SLC47A1: variants seen among roughly 807,000 people sequenced by gnomAD.
The protein encoded by SLC47A1 is solute carrier family 47 member 1.
Under a neutral mutation model 65.8 loss-of-function variants are expected in SLC47A1, and 58 were observed. The ratio of observed to expected loss-of-function variants is 0.88; its 90% CI spans 0.71 to 1.10. The LOEUF is 1.10. Ranked by LOEUF, SLC47A1 falls within the 50% of genes least tolerant of loss-of-function variation. The pLI is 0.00. For missense variants in SLC47A1, 706 were observed against 719.2 expected (o/e 0.98, Z 0.21); for synonymous variants, 285 against 295.0 (o/e 0.97, Z 0.35).
At chr17:19,539,804 C>T (rs780896336) in intron 1 of SLC47A1, among the ~76,000 whole-genome samples, 23 of 152,070 alleles carry the variant, frequency 1.5e-4, no homozygotes, top group Non-Finnish European at 2.9e-4. Context: ...CTGGGTCTTG[C>T]GATGGGCCAG....
chr17:19,572,677 G>T, intron 15 of SLC47A1, 103 bp from the exon 16 acceptor site: 1 of 1,011,982 alleles, frequency 9.9e-7, no homozygotes, highest in South Asian at 1.3e-5. Context: ...AGCTATACAT[G>T]CCAATTAAGG....
intron 6 of SLC47A1, 21 bp downstream of exon 6, chr17:19,551,489 C>T (rs1183146624): frequency 1.2e-6 from 2 of 1,604,598 alleles, no homozygotes; most frequent in Admixed American, 1.7e-5. Context: ...CTGTTCTCTT[C>T]CTTTGGGAGG....
intron 4 of SLC47A1, 32 bp downstream of exon 4, chr17:19,548,165 C>T (rs776797319): frequency 2.0e-5 from 32 of 1,593,850 alleles, no homozygotes; most frequent in Admixed American, 3.4e-5. Flanking sequence ...CGGGACTTGG[C>T]GTCCATCCCA....
chr17:19,558,144 C>G (rs900745609), intron 10 of SLC47A1, among the ~76,000 whole-genome samples: 1 of 152,166 alleles, frequency 6.6e-6, no homozygotes, highest in Non-Finnish European at 1.5e-5. Flanking sequence ...ACCAATTGTT[C>G]TGGTAATGTC....
intron 12 of SLC47A1, 151 bp downstream of exon 12, chr17:19,560,644 C>G: frequency 1.3e-6 from 1 of 772,818 alleles, no homozygotes; most frequent in Non-Finnish European, 2.2e-6. Flanking sequence ...CCTGTAATCC[C>G]AGCACTTTGG....
rs773371787 is a variant in SLC47A1, at chr17:19,560,454, G to C, written c.1067G>C (p.Ser356Thr). 1 of 1,614,178 alleles carries C rather than the reference G, an allele frequency of 6.2e-7. No homozygotes were observed. Among genetic ancestry groups the C allele is most frequent in the African/African-American group, 1.3e-5 (1 of 75,036 alleles). Residue 356 changes from serine (S) to threonine (T), a missense_variant, in exon 12 of 17, where the codon AGC (serine) becomes ACC (threonine). Transcript: ENST00000270570. ...GTAGCCTTCAGTGTCCTGCTGTTAA[G>C]CTGTAAGGATCACGTGGGGTACATT... Reference protein sequence around the residue: ...FAVAFSVLLLSCKDHVGYIFT... With the variant: ...FAVAFSVLLLTCKDHVGYIFT...
intron 2 of SLC47A1, 75 bp downstream of exon 2, chr17:19,542,569 AAAATGTAGTGGCTG>A (rs1414435540): frequency 8.3e-7 from 1 of 1,206,544 alleles, no homozygotes; most frequent in Non-Finnish European, 1.2e-6. Flanking sequence ...ACAAATCATC[AAAATGTAGTGGCTG>A]AAACCTACAC....
chr17:19,548,065 C>G lies in SLC47A1; in HGVS notation c.387C>G (p.Pro129=). The G allele has an allele frequency of 6.2e-7, 1 of 1,614,140 alleles. No individual in the cohort carries two copies. Among genetic ancestry groups the G allele is most frequent in the Non-Finnish European group, 8.5e-7 (1 of 1,180,024 alleles). ...TCGTCCTGCTCCTCTGCTGCTTCCC[C>G]TGCTGGGCGCTCTTTCTCAACACCC... ...SALVLLLCCF[P]CWALFLNTQH... is the part of the protein sequence containing the mutation. The change falls in exon 4 of 17, where the codon CCC becomes CCG. Residue 129 remains proline, a synonymous_variant. Transcript: ENST00000270570.
At position 19,547,985 on chromosome 17, in the gene SLC47A1, A is replaced by G; in HGVS notation, c.307A>G (p.Thr103Ala). ...CTCATTTTGGCTGTGTGCACCCCAGACGTACGGGAGCCAGAACCTGAAGCA... is the reference window on the plus strand; with the variant it reads ...CTCATTTTGGCTGTGTGCACCCCAGGCGTACGGGAGCCAGAACCTGAAGCA... ...SSACDTLISQ[T>A]YGSQNLKHVG... The change falls in exon 4 of 17, where the codon ACG (threonine) becomes GCG (alanine). Residue 103 changes from threonine (T) to alanine (A), a missense_variant and splice_region_variant. By Grantham distance (58) the Thr-to-Ala change is moderately conservative. Coordinates refer to ENST00000270570, the MANE Select transcript of SLC47A1 (RefSeq NM_018242.3). 6.2e-7 allele frequency: 1 copy of G among 1,611,352 alleles called. No individual in the cohort carries two copies. The highest frequency in any genetic ancestry group is 8.5e-7 in the Non-Finnish European group (1 of 1,178,066).
At chr17:19,552,358 C>G (rs546487996) in intron 6 of SLC47A1, among the ~76,000 whole-genome samples, 51 of 152,308 alleles carry the variant, frequency 3.3e-4, no homozygotes, top group Middle Eastern at 3.4e-3. Flanking sequence ...ATTACTCTAT[C>G]AACAAAACAA....
At chr17:19,545,672 T>C (rs574454282) in intron 2 of SLC47A1, among the ~76,000 whole-genome samples, 2 of 151,798 alleles carry the variant, frequency 1.3e-5, no homozygotes, top group Non-Finnish European at 2.9e-5. Context: ...TGTACTTTTG[T>C]AGGGACGAGT....
At chr17:19,571,637 C>T (rs2084400923) in intron 15 of SLC47A1, 65 bp downstream of exon 15, 18 of 1,249,590 alleles carry the variant, frequency 1.4e-5, no homozygotes, top group Non-Finnish European at 1.8e-5. Flanking sequence ...TGATCTGGCT[C>T]TCCCTTTTTT....
chr17:19,548,034 G>T lies in SLC47A1; in HGVS notation c.356G>T (p.Ser119Ile), dbSNP rs1916341555. 1.2e-6 allele frequency: 2 copies of T among 1,614,130 alleles called. No individual in the cohort carries two copies. The highest frequency in any genetic ancestry group is 1.7e-6 in the Non-Finnish European group (2 of 1,180,004). Residue 119 changes from serine to isoleucine, a missense_variant, in exon 4 of 17, where the codon AGT (serine) becomes ATT (isoleucine). Coordinates refer to ENST00000270570, the MANE Select transcript of SLC47A1 (RefSeq NM_018242.3). ...CACGTGGGCGTGATCCTGCAGCGGA[G>T]TGCGCTCGTCCTGCTCCTCTGCTGC... Reference protein sequence around the residue: ...LKHVGVILQRSALVLLLCCFP... With the variant: ...LKHVGVILQRIALVLLLCCFP...
At chr17:19,560,359 C>T in intron 11 of SLC47A1, 59 bp from the exon 12 acceptor site, 1 of 1,611,224 alleles carries the variant, frequency 6.2e-7, no homozygotes, top group Non-Finnish European at 8.5e-7. Context: ...CCAGGCTCCT[C>T]CACTTCCTGT....
At chr17:19,551,323 C>G (rs187218370) in intron 5 of SLC47A1, 101 bp from the exon 6 acceptor site, 4 of 1,041,760 alleles carry the variant, frequency 3.8e-6, no homozygotes, top group Non-Finnish European at 4.5e-6. Context: ...GAGCAGAGGG[C>G]AGCCGAACCT....
At chr17:19,561,658 A>T (rs933660609) in intron 12 of SLC47A1, among the ~76,000 whole-genome samples, 1 of 151,790 alleles carries the variant, frequency 6.6e-6, no homozygotes, top group Non-Finnish European at 1.5e-5. Flanking sequence ...AAAAAAAAAA[A>T]AAAAGATCAG....
chr17:19,551,079 A>T (rs1223492400), intron 5 of SLC47A1, among the ~76,000 whole-genome samples: 1 of 152,190 alleles, frequency 6.6e-6, no homozygotes, highest in Non-Finnish European at 1.5e-5. Context: ...TCCACCACAT[A>T]GGACCAGTCT....
At chr17:19,552,802 C>A (rs926780549) in intron 6 of SLC47A1, among the ~76,000 whole-genome samples, 6 of 152,054 alleles carry the variant, frequency 3.9e-5, no homozygotes, top group Non-Finnish European at 8.8e-5. Flanking sequence ...AGTCTCTTTA[C>A]GCCACTGCGG....
At position 19,542,464 on chromosome 17, in the gene SLC47A1, G is replaced by A. The variant is rs746202120; in HGVS notation, c.207G>A (p.Leu69=). Residue 69 remains leucine (L), a synonymous_variant, in exon 2 of 17, where the codon CTG becomes CTA. Transcript: ENST00000270570. The part of the protein sequence containing the change: ...SSVFCGHLGK[L]ELDAVTLAIA... ...TGTTCTGTGGCCACCTGGGCAAGCT[G>A]GAGCTGGATGCAGTCACGCTGGCAA... 6 of 1,612,646 alleles carry A rather than the reference G, an allele frequency of 3.7e-6. No individual in the cohort carries two copies. Among genetic ancestry groups the A allele is most frequent in the Non-Finnish European group, 5.1e-6 (6 of 1,179,472 alleles).
Sources: allele counts gnomAD v4.1 joint callset (sites outside exome capture counted in the v4.1 genomes callset), GRCh38; gene constraint gnomAD v4.1.1; transcripts MANE v1.5; gene names NCBI Gene and HGNC (gene_info 2026-07-23, HGNC 2026-07-21).